Variants in IFITM10 observed in about 807,000 individuals in gnomAD.
The protein encoded by IFITM10 is interferon-induced transmembrane protein 10.
IFITM10 carries 17 observed loss-of-function variants against 19.0 expected under a neutral mutation model. The ratio of observed to expected loss-of-function variants is 0.90; its 90% CI spans 0.61 to 1.34. The LOEUF (loss-of-function observed/expected upper bound fraction) is 1.34. IFITM10 is among the 40% of genes most tolerant of loss of function. The pLI is 0.00. For synonymous variants in IFITM10, 148 were observed against 147.2 expected (o/e 1.01, Z -0.04); for missense variants, 306 against 319.8 (o/e 0.96, Z 0.33).
At position 1,750,552 on chromosome 11, in the gene IFITM10, G is replaced by A. The variant is rs151133972; in HGVS notation, c.-110C>T. 7.8e-3 allele frequency: 11,097 copies of A among 1,427,730 alleles called. 164 individuals carry two copies. Among genetic ancestry groups the A allele is most frequent in the South Asian group, 0.04 (3,042 of 75,840 alleles). The allele number at this position is 1,427,730 out of a possible 1,614,324, so 88.4% of individuals were successfully genotyped here. ...CCTGTCTGGAAGGCCAGTCCTGCTT[G>A]GGGTCCTGTCTGCCTGCCTGTGCCT... is the stretch of plus-strand genomic sequence containing the variant. On this transcript the variant is annotated 5_prime_UTR_variant, in exon 1 of 3. Coordinates refer to ENST00000340134, the MANE Select transcript of IFITM10 (RefSeq NM_001170820.4).
intron 2 of IFITM10, among the ~76,000 whole-genome samples, chr11:1,735,987 GC>G (rs1851083054): frequency 6.6e-6 from 1 of 152,182 alleles, no homozygotes; most frequent in Non-Finnish European, 1.5e-5. Context: ...AAAGGAGTGG[GC>G]TGGCACTCAG....
chr11:1,742,924 G>T (rs929005132), intron 2 of IFITM10, among the ~76,000 whole-genome samples: 1 of 151,844 alleles, frequency 6.6e-6, no homozygotes, highest in Non-Finnish European at 1.5e-5. Flanking sequence ...ATGGATAGAT[G>T]GATGGAGGAT....
Position 1,735,109 on chromosome 11 carries a change from C to T in IFITM10, c.*171G>A. On this transcript the variant is annotated 3_prime_UTR_variant, in exon 3 of 3. Coordinates refer to ENST00000340134, the MANE Select transcript of IFITM10 (RefSeq NM_001170820.4). ...TGGACTGAGGGCCAAGCTCACTGCCCCCTTGCTGTACTCAGCTTCTGATGG... is the reference window on the plus strand; with the variant it reads ...TGGACTGAGGGCCAAGCTCACTGCCTCCTTGCTGTACTCAGCTTCTGATGG... The T allele has an allele frequency of 1.5e-6, 1 of 645,718 alleles. No individual in the cohort carries two copies. The highest frequency in any genetic ancestry group is 2.8e-5 in the East Asian group (1 of 35,652). The allele number at this position is 645,718 out of a possible 1,614,324, so 40.0% of individuals were successfully genotyped here.
intron 1 of IFITM10, among the ~76,000 whole-genome samples, 196 bp downstream of exon 1, chr11:1,750,163 G>C (rs1026472972): frequency 2.0e-5 from 3 of 152,052 alleles, no homozygotes; most frequent in Non-Finnish European, 4.4e-5. Flanking sequence ...ACCAATGCCT[G>C]TCCTCCCAGC....
chr11:1,735,026 G>A lies in IFITM10; in HGVS notation c.*254C>T, dbSNP rs1378259741. 3.9e-6 allele frequency: 2 copies of A among 518,722 alleles called. No homozygotes were observed. Among genetic ancestry groups the A allele is most frequent in the African/African-American group, 1.9e-5 (1 of 51,568 alleles). 32.1% of individuals were successfully genotyped at this position (518,722 alleles called of 1,614,324 possible). A position where few individuals can be genotyped will look rare whatever the true frequency, so the allele number is the denominator to read the frequency against. Reference sequence around the variant, plus strand: ...GCTGGAAGCCAGGGTGCAGCAGCGAGGGGAGAAGCCCCCAGGCCCCAGACA... The same window carrying A: ...GCTGGAAGCCAGGGTGCAGCAGCGAAGGGAGAAGCCCCCAGGCCCCAGACA... On this transcript the variant is annotated 3_prime_UTR_variant, in exon 3 of 3. Coordinates refer to ENST00000340134, the MANE Select transcript of IFITM10 (RefSeq NM_001170820.4).
chr11:1,748,253 C>T, intron 1 of IFITM10, 134 bp from the exon 2 acceptor site: 2 of 668,790 alleles, frequency 3.0e-6, no homozygotes, highest in Non-Finnish European at 4.3e-6. Flanking sequence ...AGCCTGCCAC[C>T]TGCCTCCCCC....
chr11:1,740,397 G>A (rs1845550608), intron 2 of IFITM10, among the ~76,000 whole-genome samples: 1 of 151,898 alleles, frequency 6.6e-6, no homozygotes, highest in East Asian at 1.9e-4. Flanking sequence ...CTTGGACCAG[G>A]GCAGCAGTGG....
intron 2 of IFITM10, among the ~76,000 whole-genome samples, chr11:1,743,230 A>G (rs1165505871): frequency 1.3e-5 from 2 of 149,708 alleles, no homozygotes; most frequent in East Asian, 4.1e-4. Context: ...GAATGGACAA[A>G]TGGAAGATGG....
chr11:1,737,398 C>T (rs1323325073), intron 2 of IFITM10, among the ~76,000 whole-genome samples: 1 of 152,168 alleles, frequency 6.6e-6, no homozygotes, highest in Non-Finnish European at 1.5e-5. Flanking sequence ...GACAGCACAG[C>T]ATAGAGGTTA....
chr11:1,742,990 T>TATGGTTGG (rs1554961301), intron 2 of IFITM10, among the ~76,000 whole-genome samples: 1 of 131,174 alleles, frequency 7.6e-6, no homozygotes. Flanking sequence ...TGGATGGACA[T>TATGGTTGG]ATGGATGGAT....
chr11:1,737,168 A>C (rs1473194253), intron 2 of IFITM10, among the ~76,000 whole-genome samples: 1 of 152,168 alleles, frequency 6.6e-6, no homozygotes, highest in African/African-American at 2.4e-5. Context: ...AAGTTGTATA[A>C]CTTTCTCCAG....
chr11:1,735,284 T>C lies in IFITM10; in HGVS notation c.683A>G (p.Tyr228Cys). 1.9e-6 allele frequency: 3 copies of C among 1,551,600 alleles called. No individual in the cohort carries two copies. Among genetic ancestry groups the C allele is most frequent in the Non-Finnish European group, 2.6e-6 (3 of 1,146,932 alleles). Residue 228 changes from tyrosine (Y) to cysteine (C), a missense_variant, in exon 3 of 3, where the codon TAC becomes TGC. Tyr to Cys is a radical substitution (Grantham distance 194). Coordinates refer to ENST00000340134, the MANE Select transcript of IFITM10 (RefSeq NM_001170820.4). Reference sequence around the variant, plus strand: ...AGCAGCCGTGCCTGGCGGGCCTTAGTAGTCGGTGAGGGGGTACCGCAGGAA... The same window carrying C: ...AGCAGCCGTGCCTGGCGGGCCTTAGCAGTCGGTGAGGGGGTACCGCAGGAA... ...FIFLRYPLTDY is the reference protein window; with the variant it reads ...FIFLRYPLTDC
At chr11:1,740,946 C>T (rs1008495026) in intron 2 of IFITM10, among the ~76,000 whole-genome samples, 2 of 151,862 alleles carry the variant, frequency 1.3e-5, no homozygotes, top group Admixed American at 6.6e-5. Flanking sequence ...GGTGCCTCCC[C>T]TTTATCTCTC....
rs1851076536 is a variant in IFITM10 at position 1,735,440 on chromosome 11, G to A, written c.538-11C>T. Reference sequence around the variant, plus strand: ...CTTCTTGTCTCGCACCTGAAGCCGGGAGGAGGACAGGAAATGGGCAGTCAG... The same window carrying A: ...CTTCTTGTCTCGCACCTGAAGCCGGAAGGAGGACAGGAAATGGGCAGTCAG... On this transcript the variant is annotated splice_polypyrimidine_tract_variant and intron_variant, in intron 2 of 2. Transcript: ENST00000340134. 1 of 1,550,504 alleles carries A rather than the reference G, an allele frequency of 6.4e-7. No individual in the cohort carries two copies. The highest frequency in any genetic ancestry group is 2.0e-5 in the Admixed American group (1 of 50,954).
chr11:1,746,664 G>T (rs1845654134), intron 2 of IFITM10: 2 of 398,516 alleles, frequency 5.0e-6, no homozygotes, highest in South Asian at 2.5e-4. Flanking sequence ...GAGCAGAGGC[G>T]AAGCTGGCCA....
intron 2 of IFITM10, among the ~76,000 whole-genome samples, chr11:1,743,093 G>C (rs1210704135): frequency 6.6e-6 from 1 of 150,596 alleles, no homozygotes. Flanking sequence ...AGGATGGATG[G>C]AGGATGGATG....
At chr11:1,749,041 C>T (rs756560743) in intron 1 of IFITM10, 3 of 1,104,898 alleles carry the variant, frequency 2.7e-6, no homozygotes, top group Non-Finnish European at 3.4e-6. Context: ...GGCGCGCGGC[C>T]GGACCCCCTG....
In IFITM10 at chr11:1,735,089, T is replaced by C. The variant is rs2133638973; in HGVS notation, c.*191A>G. On this transcript the variant is annotated 3_prime_UTR_variant, in exon 3 of 3. Coordinates refer to ENST00000340134, the MANE Select transcript of IFITM10 (RefSeq NM_001170820.4). ...AGGCCAGGAGGCGGAGGGGGTGGAC[T>C]GAGGGCCAAGCTCACTGCCCCCTTG... 3.3e-6 allele frequency: 2 copies of C among 599,386 alleles called. No individual in the cohort carries two copies. Among genetic ancestry groups the C allele is most frequent in the East Asian group, 2.9e-5 (1 of 34,632 alleles). 37.1% of individuals were successfully genotyped at this position (599,386 alleles called of 1,614,324 possible).
chr11:1,748,180 G>T, intron 1 of IFITM10, 61 bp from the exon 2 acceptor site: 1 of 1,187,522 alleles, frequency 8.4e-7, no homozygotes, highest in Non-Finnish European at 1.1e-6. Flanking sequence ...CCACCCTCAC[G>T]CCCAGCAGCT....
Sources: gnomAD v4.1 joint callset for allele counts (sites outside exome capture counted in the v4.1 genomes callset) on GRCh38, gnomAD v4.1.1 for gene constraint, MANE v1.5 for transcripts, NCBI Gene and HGNC (gene_info 2026-07-23, HGNC 2026-07-21) for gene names.